Variants in ATP5F1A observed in about 807,000 individuals in gnomAD.
The protein encoded by ATP5F1A is ATP synthase F1 subunit alpha.
In ATP5F1A, 24 loss-of-function variants were observed where a neutral mutation model predicts 57.4. That is an observed-to-expected ratio of 0.42 (90% confidence interval 0.30 to 0.59). The LOEUF is 0.59. Among genes scored for constraint, ATP5F1A ranks in the 20% least tolerant of loss-of-function variants. ATP5F1A has a pLI of 0.19. For synonymous variants in ATP5F1A, 251 were observed against 255.5 expected, an observed-to-expected ratio of 0.98 and a Z score of 0.17; for missense variants, 494 against 707.9, an observed-to-expected ratio of 0.70 and a Z score of 3.43.
chr18:46,097,668 T>C (rs2144222346), intron 1 of ATP5F1A, among the ~76,000 whole-genome samples: 1 of 151,632 alleles, frequency 6.6e-6, no homozygotes, highest in Middle Eastern at 3.4e-3. Context: ...AAAAACCACC[T>C]TCATTTATTC....
upstream of ATP5F1A, among the ~76,000 whole-genome samples, chr18:46,102,821 G>A (rs545585873): frequency 5.9e-5 from 9 of 152,112 alleles, no homozygotes; most frequent in Admixed American, 2.6e-4. Context: ...GGTGGTGCAC[G>A]CCTATAGTCC....
chr18:46,084,754 G>T lies in ATP5F1A; in HGVS notation c.1430-100C>A, dbSNP rs200501560. 57 of 1,251,624 alleles carry T rather than the reference G, an allele frequency of 4.6e-5. No homozygotes were observed. In the East Asian group the frequency reaches 8.5e-4, roughly 19 times the overall value. The allele number at this position is 1,251,624 out of a possible 1,614,324, so 77.5% of individuals were successfully genotyped here. ...TTACTTTTTCTCCAATTCCTAACAT[G>T]TCCCTGTAAATTATCTATTCTTCAC... On this transcript the variant is annotated intron_variant, in intron 10 of 11. Transcript: ENST00000398752.
At chr18:46,084,839 GTTATT>G in intron 10 of ATP5F1A, 185 bp from the exon 11 acceptor site, 1 of 509,828 alleles carries the variant, frequency 2.0e-6, no homozygotes, top group Non-Finnish European at 3.3e-6. Context: ...ACAGAAAACA[GTTATT>G]TCTTATATTT....
At position 46,081,998 on chromosome 18, in the gene ATP5F1A, C is replaced by T. The variant is rs1158202002; in HGVS notation, c.*2284G>A. The T allele has an allele frequency of 6.8e-6, 1 of 148,034 alleles. No individual in the cohort carries two copies. Among genetic ancestry groups the T allele is most frequent in the Non-Finnish European group, 1.5e-5 (1 of 67,300 alleles). The allele number at this position is 148,034 out of a possible 1,614,324, so 9.2% of individuals were successfully genotyped here. The stretch of plus-strand genomic sequence containing the variant: ...AATCCCCATCAACAAAATAAAATGG[C>T]AAGGAAGGGGGAACCCTAGGAAAAA... On this transcript the variant is annotated 3_prime_UTR_variant, in exon 12 of 12. Transcript: ENST00000398752.
chr18:46,089,327 C>A, intron 5 of ATP5F1A: 1 of 479,596 alleles, frequency 2.1e-6, no homozygotes, highest in Non-Finnish European at 3.7e-6. Flanking sequence ...GGCTCAAACC[C>A]ACGACCCTGG....
intron 8 of ATP5F1A, 199 bp downstream of exon 8, chr18:46,086,809 G>C: frequency 1.6e-6 from 1 of 640,402 alleles, no homozygotes; most frequent in Non-Finnish European, 2.7e-6. Context: ...AACGAAACAT[G>C]CTACTCTATG....
chr18:46,096,287 G>A lies in ATP5F1A; in HGVS notation c.61-1156C>T, dbSNP rs1447975393. Among the ~76,000 whole-genome samples, 17 of 151,544 alleles carry A rather than the reference G, an allele frequency of 1.1e-4. No individual in the cohort carries two copies. In the East Asian group the frequency reaches 3.2e-3, roughly 28 times the overall value. ...AGGCCAAGGCGGGCGGATTACCTAA[G>A]GTCGGGAGTTGGAGACCAGCCTGAC... On this transcript the variant is annotated intron_variant, in intron 1 of 11. Coordinates refer to ENST00000398752, the MANE Select transcript of ATP5F1A (RefSeq NM_004046.6).
rs1568248407 is a variant in ATP5F1A, at chr18:46,089,721, A to G, written c.495T>C (p.Gly165=). Residue 165 remains glycine, a synonymous_variant, in exon 5 of 12, where the codon GGT becomes GGC. Coordinates refer to ENST00000398752, the MANE Select transcript of ATP5F1A (RefSeq NM_004046.6). ...GACCAACTCGCCTACGCGTCTTGGA[A>G]CCAATTGGACCCTGTTAAAAAATAA... ...GNAIDGKGPI[G]SKTRRRVGLK... The G allele has an allele frequency of 6.2e-7, 1 of 1,613,634 alleles. No individual in the cohort carries two copies.
chr18:46,100,108 C>T (rs2578188), upstream of ATP5F1A, among the ~76,000 whole-genome samples: 36 of 151,622 alleles, frequency 2.4e-4, no homozygotes, highest in African/African-American at 7.7e-4. Context: ...AAAATTAGCC[C>T]GGCATGGGGG....
At chr18:46,098,376 C>CG, upstream of ATP5F1A, 2 of 1,217,140 alleles carry the variant, frequency 1.6e-6, no homozygotes, top group Non-Finnish European at 2.1e-6. Flanking sequence ...CCTCTCCCCC[C>CG]GCCCCCGCCG....
upstream of ATP5F1A, among the ~76,000 whole-genome samples, chr18:46,099,970 G>A (rs538078307): frequency 1.7e-4 from 26 of 152,336 alleles, no homozygotes; most frequent in African/African-American, 5.3e-4. Flanking sequence ...GGCTGTCCAA[G>A]CCAGGCGCAG....
chr18:46,097,974 G>C, intron 1 of ATP5F1A, 198 bp downstream of exon 1: 1 of 1,408,666 alleles, frequency 7.1e-7, no homozygotes, highest in South Asian at 1.6e-5. Context: ...TGTCTGCCCT[G>C]TACCATTCTG....
chr18:46,088,036 A>G, intron 6 of ATP5F1A, 73 bp downstream of exon 6: 1 of 1,506,610 alleles, frequency 6.6e-7, no homozygotes, highest in Non-Finnish European at 9.0e-7. Flanking sequence ...GCCTTCATTA[A>G]GTAGAAGCTA....
chr18:46,100,826 G>A (rs564892223), upstream of ATP5F1A, among the ~76,000 whole-genome samples: 52 of 151,564 alleles, frequency 3.4e-4, no homozygotes, highest in Non-Finnish European at 6.6e-4. Context: ...TAATCCCAGC[G>A]CTTTGGGAGG....
upstream of ATP5F1A, among the ~76,000 whole-genome samples, chr18:46,101,165 G>T (rs185244417): frequency 6.6e-6 from 1 of 152,324 alleles, no homozygotes; most frequent in Admixed American, 6.5e-5. Flanking sequence ...AATGTTATGT[G>T]CCCTGAGTGC....
At position 46,080,819 on chromosome 18, in the gene ATP5F1A, C is replaced by CAT. The variant is rs1555694106; in HGVS notation, c.*3461_*3462dup. The CAT allele has an allele frequency of 2.6e-5, 4 of 151,696 alleles. No homozygotes were observed. Among genetic ancestry groups the CAT allele is most frequent in the Admixed American group, 6.6e-5 (1 of 15,244 alleles). The allele number at this position is 151,696 out of a possible 1,614,324, so 9.4% of individuals were successfully genotyped here. A position where few individuals can be genotyped will look rare whatever the true frequency, so the allele number is the denominator to read the frequency against. Reference sequence around the variant, plus strand: ...TTTTAAATGTGATATTTAAAAATCACATTTTTAAATATCACTGTGCCTGGC... The same window carrying CAT: ...TTTTAAATGTGATATTTAAAAATCACATATTTTTAAATATCACTGTGCCTGGC... On this transcript the variant is annotated 3_prime_UTR_variant, in exon 12 of 12. Transcript: ENST00000398752.
At chr18:46,086,314 TAG>T in intron 9 of ATP5F1A, 57 bp from the exon 10 acceptor site, 3 of 1,612,604 alleles carry the variant, frequency 1.9e-6, no homozygotes, top group Non-Finnish European at 2.5e-6. Flanking sequence ...TATACAAATA[TAG>T]TTAATATATT....
chr18:46,091,999 C>T, intron 2 of ATP5F1A, 148 bp from the exon 3 acceptor site: 3 of 570,842 alleles, frequency 5.3e-6, no homozygotes, highest in Non-Finnish European at 5.7e-6. Context: ...ATGGAGAACC[C>T]TGTCTCTACT....
chr18:46,097,929 C>T (rs1911084858), intron 1 of ATP5F1A: 4 of 1,257,494 alleles, frequency 3.2e-6, no homozygotes, highest in Non-Finnish European at 4.0e-6. Context: ...AGACAGGAAT[C>T]TTGAGGCCCT....
Sources: gnomAD v4.1 joint callset for allele counts (sites outside exome capture counted in the v4.1 genomes callset) on GRCh38, gnomAD v4.1.1 for gene constraint, MANE v1.5 for transcripts, NCBI Gene and HGNC (gene_info 2026-07-23, HGNC 2026-07-21) for gene names.